The following SIPA1L1 variants were observed in gnomAD, a reference collection of about 807,000 sequenced individuals.
SIPA1L1 encodes signal induced proliferation associated 1 like 1.
A neutral mutation model predicts 162.7 loss-of-function variants in SIPA1L1; 26 were observed. That is an observed-to-expected ratio of 0.16 (90% CI 0.12 to 0.22). The LOEUF (loss-of-function observed/expected upper bound fraction) is 0.22. Among genes scored for constraint, SIPA1L1 ranks in the 10% least tolerant of loss-of-function variants. The pLI, the probability that SIPA1L1 is intolerant of heterozygous loss-of-function variation, is 1.00. For missense variants in SIPA1L1, 1,874 were observed against 2,241.0 expected, an observed-to-expected ratio of 0.84 and a Z score of 3.31; for synonymous variants, 829 against 837.4, an observed-to-expected ratio of 0.99 and a Z score of 0.17.
At chr14:71,324,704 A>G (rs569427322) in intron 2 of SIPA1L1, among the ~76,000 whole-genome samples, 2 of 152,338 alleles carry the variant, frequency 1.3e-5, no homozygotes, top group Admixed American at 1.3e-4. Context: ...AGCTCTTTAG[A>G]AAAGCTAAAC....
At chr14:71,472,588 T>TCCTG (rs764408796) in intron 2 of SIPA1L1, among the ~76,000 whole-genome samples, 15 of 152,026 alleles carry the variant, frequency 9.9e-5, no homozygotes, top group Non-Finnish European at 1.0e-4. Context: ...CTAACAGTCA[T>TCCTG]TCAGGAGACT....
rs972077288 is a variant in SIPA1L1, at chr14:71,717,428, C to T, written c.4209-6219C>T. ...TACTCAGTTAAACTCACTTCTTATA[C>T]ATTGAGAAAAGTAACATATTGCAGT... is the stretch of plus-strand genomic sequence containing the variant. On this transcript the variant is annotated intron_variant, in intron 17 of 23. Transcript: ENST00000381232. Among the ~76,000 whole-genome samples the T allele has an allele frequency of 4.6e-5, 7 of 152,340 alleles. No individual in the cohort carries two copies. The South Asian group carries it at 1.2e-3, about 27-fold the overall frequency.
At position 71,377,522 on chromosome 14, in the gene SIPA1L1, A is replaced by T. The variant is rs188613741; in HGVS notation, c.-465+56341A>T. Among the ~76,000 whole-genome samples the T allele has an allele frequency of 6.6e-6, 1 of 151,402 alleles. No individual in the cohort carries two copies. The highest frequency in any genetic ancestry group is 2.1e-4 in the South Asian group (1 of 4,788). On this transcript the variant is annotated intron_variant, in intron 2 of 23. Transcript: ENST00000381232. This position sits in a 1 kb window ranked among gnomAD's most constrained non-coding sequence, Gnocchi z 4.8. ...GTGGCCAGGCAGAGGGGCTCCTCAC[A>T]TCCCAGACCATGGGCAGCCAGGCAG...
At chr14:71,395,537 C>T (rs2041113795) in intron 2 of SIPA1L1, among the ~76,000 whole-genome samples, 2 of 152,112 alleles carry the variant, frequency 1.3e-5, no homozygotes, top group Admixed American at 6.5e-5. Context: ...GTAGGACTTG[C>T]CTGTAGTCCC....
At chr14:71,715,182 A>T (rs2083173617) in intron 17 of SIPA1L1, among the ~76,000 whole-genome samples, 1 of 152,210 alleles carries the variant, frequency 6.6e-6, no homozygotes, top group Non-Finnish European at 1.5e-5. Flanking sequence ...TTGGGAGAGG[A>T]ACATAAGGAA....
chr14:71,723,184 G>C (rs1003064386), intron 17 of SIPA1L1, among the ~76,000 whole-genome samples: 2 of 152,250 alleles, frequency 1.3e-5, no homozygotes, highest in African/African-American at 4.8e-5. Context: ...CCTTGGATGT[G>C]AGTCTGAAGA....
intron 7 of SIPA1L1, among the ~76,000 whole-genome samples, chr14:71,646,927 A>G (rs2042220714): frequency 6.6e-6 from 1 of 152,186 alleles, no homozygotes. Flanking sequence ...TATAACCTCA[A>G]AGCAATCCAA....
intron 7 of SIPA1L1, among the ~76,000 whole-genome samples, chr14:71,633,777 C>T (rs1171924896): frequency 6.6e-6 from 1 of 152,044 alleles, no homozygotes; most frequent in African/African-American, 2.4e-5. Flanking sequence ...TAGGAATCAC[C>T]AAATCTGAGC....
chr14:71,713,997 A>G (rs890100981), intron 17 of SIPA1L1, among the ~76,000 whole-genome samples: 1 of 152,208 alleles, frequency 6.6e-6, no homozygotes, highest in African/African-American at 2.4e-5. Context: ...TTCACCCTCT[A>G]AAATAACAAA....
intron 8 of SIPA1L1, among the ~76,000 whole-genome samples, chr14:71,654,105 C>T (rs1043398904): frequency 2.6e-5 from 4 of 152,096 alleles, no homozygotes; most frequent in Admixed American, 6.6e-5. Context: ...TAAAGGAGGA[C>T]GAGGCTCAGG....
intron 2 of SIPA1L1, among the ~76,000 whole-genome samples, chr14:71,456,173 AGTT>A (rs1048775744): frequency 3.3e-5 from 5 of 152,216 alleles, no homozygotes; most frequent in African/African-American, 1.2e-4. Context: ...CAACATCTCA[AGTT>A]GTTGTGTGGT....
intron 2 of SIPA1L1, among the ~76,000 whole-genome samples, chr14:71,352,934 G>A (rs1413561044): frequency 6.6e-6 from 1 of 152,154 alleles, no homozygotes; most frequent in Non-Finnish European, 1.5e-5. Context: ...ATGCATTTAA[G>A]CACCTTTTCA....
Position 71,406,305 on chromosome 14 carries a change from G to A in SIPA1L1, c.-465+85124G>A, listed in dbSNP as rs185111724. ...TATTGCAAGGTTATAATGATTATAT[G>A]GGTGCCACTGACATCTTGTCATCAC... On this transcript the variant is annotated intron_variant, in intron 2 of 23. Transcript: ENST00000381232. Among the ~76,000 whole-genome samples, 4 of 152,260 alleles carry A rather than the reference G, an allele frequency of 2.6e-5. No homozygotes were observed. The East Asian group carries it at 7.7e-4, about 29-fold the overall frequency.
At chr14:71,628,810 A>C (rs1274662715) in intron 7 of SIPA1L1, among the ~76,000 whole-genome samples, 1 of 152,198 alleles carries the variant, frequency 6.6e-6, no homozygotes, top group Non-Finnish European at 1.5e-5. Context: ...GGGAATAAGC[A>C]GTTGGGTGGT....
intron 2 of SIPA1L1, among the ~76,000 whole-genome samples, chr14:71,506,847 TGACACAGG>T (rs2050714446): frequency 6.6e-6 from 1 of 151,416 alleles, no homozygotes. Context: ...TTTTCTTCTT[TGACACAGG>T]GTCTCGTCTT....
At chr14:71,705,074 T>C (rs1299122950) in intron 15 of SIPA1L1, 148 bp from the exon 16 acceptor site, 2 of 666,532 alleles carry the variant, frequency 3.0e-6, no homozygotes, top group African/African-American at 1.8e-5. Context: ...CTGCTGTCTA[T>C]CAAATAGACT....
intron 2 of SIPA1L1, among the ~76,000 whole-genome samples, chr14:71,488,306 A>AAT (rs752417106): frequency 3.3e-4 from 50 of 152,000 alleles, no homozygotes; most frequent in South Asian, 6.2e-4. Flanking sequence ...TTTGGCTTAA[A>AAT]ATATATATAT....
At chr14:71,460,278 C>T (rs925047105) in intron 2 of SIPA1L1, among the ~76,000 whole-genome samples, 3 of 152,276 alleles carry the variant, frequency 2.0e-5, no homozygotes, top group Non-Finnish European at 2.9e-5. Flanking sequence ...GTCAGCGGGT[C>T]GTGGTTTTCT....
At chr14:71,437,414 C>G (rs1284159547) in intron 2 of SIPA1L1, among the ~76,000 whole-genome samples, 1 of 152,256 alleles carries the variant, frequency 6.6e-6, no homozygotes, top group Non-Finnish European at 1.5e-5. Flanking sequence ...GTCACCCAGG[C>G]TGGAGTCCAG....
Sources: allele counts gnomAD v4.1 joint callset (sites outside exome capture counted in the v4.1 genomes callset), GRCh38; gene constraint gnomAD v4.1.1; non-coding constraint Gnocchi (gnomAD v3.1); transcripts MANE v1.5; gene names NCBI Gene and HGNC (gene_info 2026-07-23, HGNC 2026-07-21).